Variants in RALGAPA2 observed in about 807,000 individuals in gnomAD.
RALGAPA2 encodes the protein Ral GTPase activating protein catalytic subunit alpha 2, also known as ral GTPase-activating protein subunit alpha-2.
RALGAPA2 carries 139 observed loss-of-function variants against 230.4 expected under a neutral mutation model. That is an observed-to-expected ratio of 0.60 (90% CI 0.53 to 0.69). The LOEUF is 0.69. Ranked by LOEUF, RALGAPA2 falls within the 30% of genes least tolerant of loss-of-function variation. The pLI, the probability that RALGAPA2 is intolerant of heterozygous loss-of-function variation, is 0.00. For synonymous variants in RALGAPA2, 847 were observed against 837.8 expected, an observed-to-expected ratio of 1.01 and a Z score of -0.19; for missense variants, 2,163 against 2,276.0, an observed-to-expected ratio of 0.95 and a Z score of 1.01.
intron 39 of RALGAPA2, among the ~76,000 whole-genome samples, chr20:20,394,463 C>T (rs939058684): frequency 6.6e-5 from 10 of 152,132 alleles, no homozygotes; most frequent in African/African-American, 2.2e-4. Flanking sequence ...CACAGTGAAA[C>T]CCCGTCTCTA....
chr20:20,592,310 C>T (rs192035694), intron 16 of RALGAPA2, among the ~76,000 whole-genome samples: 25 of 152,300 alleles, frequency 1.6e-4, no homozygotes, highest in African/African-American at 5.8e-4. Flanking sequence ...CTTGATCTCA[C>T]GGGACATACT....
intron 16 of RALGAPA2, among the ~76,000 whole-genome samples, chr20:20,598,076 T>C (rs560919541): frequency 7.2e-5 from 11 of 152,302 alleles, no homozygotes; most frequent in African/African-American, 2.2e-4. Flanking sequence ...TAATAAAAAA[T>C]GTACTGTGTG....
chr20:20,680,784 C>T lies in RALGAPA2; in HGVS notation c.124G>A (p.Asp42Asn). Residue 42 changes from aspartate to asparagine, a missense_variant, in exon 2 of 40, where the codon GAT becomes AAT. Asp to Asn is a conservative substitution (Grantham distance 23, BLOSUM62 1). Coordinates refer to ENST00000202677, the MANE Select transcript of RALGAPA2 (RefSeq NM_020343.4). ...TTGGTCTCAAAAAACTGCTTAAGAT[C>T]ATTTGCATCCACATTATCTGAAAAG... ...RALLDNVDAN[D>N]LKQFFETNYS... 6.3e-7 allele frequency: 1 copy of T among 1,577,038 alleles called. No individual in the cohort carries two copies. The highest frequency in any genetic ancestry group is 8.6e-7 in the Non-Finnish European group (1 of 1,167,714).
At chr20:20,632,306 A>T (rs6082073) in intron 9 of RALGAPA2, among the ~76,000 whole-genome samples, 1 of 152,102 alleles carries the variant, frequency 6.6e-6, no homozygotes, top group Non-Finnish European at 1.5e-5. Flanking sequence ...CTGGGATTAC[A>T]TGTGTGAGCC....
At chr20:20,697,769 G>A (rs987068328) in intron 1 of RALGAPA2, among the ~76,000 whole-genome samples, 7 of 152,134 alleles carry the variant, frequency 4.6e-5, no homozygotes, top group Non-Finnish European at 1.0e-4. Flanking sequence ...TGGCAGAGTT[G>A]GCCTGAGAAT....
intron 37 of RALGAPA2, among the ~76,000 whole-genome samples, chr20:20,467,305 A>G (rs991867276): frequency 6.6e-6 from 1 of 152,232 alleles, no homozygotes; most frequent in East Asian, 1.9e-4. Context: ...TGTTCCGGAT[A>G]CTTTGTCAAC....
intron 36 of RALGAPA2, among the ~76,000 whole-genome samples, chr20:20,491,811 ATGC>A (rs1400756125): frequency 1.3e-5 from 2 of 152,154 alleles, no homozygotes; most frequent in African/African-American, 4.8e-5. Flanking sequence ...CAATGGAATG[ATGC>A]TGCTAAGCAC....
At chr20:20,690,874 G>T (rs1267822082) in intron 1 of RALGAPA2, among the ~76,000 whole-genome samples, 1 of 152,066 alleles carries the variant, frequency 6.6e-6, no homozygotes, top group Non-Finnish European at 1.5e-5. Context: ...AACTTTCACT[G>T]ACTGGAGTTG....
chr20:20,510,734 G>A (rs1332961895), intron 33 of RALGAPA2, among the ~76,000 whole-genome samples: 1 of 152,124 alleles, frequency 6.6e-6, no homozygotes, highest in East Asian at 1.9e-4. Flanking sequence ...GAACAGGGGT[G>A]GATCTGAGTC....
At chr20:20,434,293 G>A (rs889631840) in intron 37 of RALGAPA2, among the ~76,000 whole-genome samples, 9 of 152,106 alleles carry the variant, frequency 5.9e-5, no homozygotes, top group Non-Finnish European at 8.8e-5. Context: ...TGGGGGTCCC[G>A]GGAAAAGTGC....
At chr20:20,631,800 T>C (rs1395456382) in intron 9 of RALGAPA2, among the ~76,000 whole-genome samples, 1 of 152,216 alleles carries the variant, frequency 6.6e-6, no homozygotes, top group African/African-American at 2.4e-5. Flanking sequence ...AGAATGGTAG[T>C]GGCCATTTCT....
intron 31 of RALGAPA2, among the ~76,000 whole-genome samples, chr20:20,515,657 C>G (rs2145391607): frequency 6.6e-6 from 1 of 152,324 alleles, no homozygotes; most frequent in Admixed American, 6.5e-5. Flanking sequence ...GCAGGAAATG[C>G]CTTGCAGGCA....
chr20:20,410,988 G>A (rs1400088323), intron 38 of RALGAPA2, among the ~76,000 whole-genome samples: 2 of 152,200 alleles, frequency 1.3e-5, no homozygotes, highest in Non-Finnish European at 2.9e-5. Context: ...TGAGGCCAGC[G>A]ATGTTAAACA....
rs558020585 is a variant in RALGAPA2, at chr20:20,572,012, G to A, written c.2902-66C>T. 3.5e-4 allele frequency: 394 copies of A among 1,115,748 alleles called. 1 individual carries two copies. The highest frequency in any genetic ancestry group is 1.5e-3 in the Admixed American group (78 of 50,366). 69.1% of individuals were successfully genotyped at this position (1,115,748 alleles called of 1,614,324 possible). ...CGTTTATCCCAACAGTATTTCAACA[G>A]TCTTCTGTGACCATATAGCTGCTTT... On this transcript the variant is annotated intron_variant, in intron 21 of 39. Coordinates refer to ENST00000202677, the MANE Select transcript of RALGAPA2 (RefSeq NM_020343.4).
chr20:20,462,722 C>G (rs955027861), intron 37 of RALGAPA2, among the ~76,000 whole-genome samples: 1 of 152,218 alleles, frequency 6.6e-6, no homozygotes, highest in Admixed American at 6.5e-5. Flanking sequence ...TACTCCAGCA[C>G]GGAAACCTGC....
In RALGAPA2 at chr20:20,640,871, C is replaced by T. The variant is rs970398185; in HGVS notation, c.380G>A (p.Cys127Tyr). 9.3e-6 allele frequency: 15 copies of T among 1,607,688 alleles called. No individual in the cohort carries two copies. Among genetic ancestry groups the T allele is most frequent in the African/African-American group, 1.3e-5 (1 of 74,646 alleles). Reference protein sequence around the residue: ...LHTGNSIKIRCEGIRLFLLWL... With the variant: ...LHTGNSIKIRYEGIRLFLLWL... ...CAGAAGAAACAGCCTGATTCCTTCA[C>T]ATCTTATCTAAAACAAAATTAAAAA... The change falls in exon 6 of 40, where the codon TGT (cysteine) becomes TAT (tyrosine). Residue 127 changes from cysteine to tyrosine, a missense_variant. By Grantham distance (194) the Cys-to-Tyr change is radical. Transcript: ENST00000202677.
chr20:20,586,130 A>C (rs16982003), intron 18 of RALGAPA2, among the ~76,000 whole-genome samples: 1,862 of 152,312 alleles, frequency 0.012, 42 homozygotes, highest in African/African-American at 0.043. Flanking sequence ...TAACTATATG[A>C]GAGACACAAT....
At chr20:20,431,030 T>C (rs2060490716) in intron 37 of RALGAPA2, among the ~76,000 whole-genome samples, 1 of 152,090 alleles carries the variant, frequency 6.6e-6, no homozygotes, top group Non-Finnish European at 1.5e-5. Context: ...GTGCAAGGCA[T>C]CATGAGAAGG....
rs778095286 is a variant in RALGAPA2 at position 20,584,949 on chromosome 20, C to A, written c.2446G>T (p.Val816Phe). 17 of 1,608,092 alleles carry A rather than the reference C, an allele frequency of 1.1e-5. No homozygotes were observed. The South Asian group carries it at 1.7e-4, about 16-fold the overall frequency. Residue 816 changes from valine (V) to phenylalanine (F), a missense_variant, in exon 19 of 40, where the codon GTT becomes TTT. Val to Phe is a conservative substitution (Grantham distance 50). Coordinates refer to ENST00000202677, the MANE Select transcript of RALGAPA2 (RefSeq NM_020343.4). ...TCAGCAGGGCTGCTGCTTCTTCGAA[C>A]TAAGATCTTCAGACAAAAAGAAATA... The part of the protein sequence containing the change: ...KREHEGITIL[V>F]RRSSSPAELD...
Sources: allele counts gnomAD v4.1 joint callset (sites outside exome capture counted in the v4.1 genomes callset), GRCh38; gene constraint gnomAD v4.1.1; transcripts MANE v1.5; gene names NCBI Gene and HGNC (gene_info 2026-07-23, HGNC 2026-07-21).